Variants in KCNN2 observed in about 807,000 individuals in gnomAD.
The protein encoded by KCNN2 is potassium calcium-activated channel subfamily N member 2.
A neutral mutation model predicts 55.5 loss-of-function variants in KCNN2; 24 were observed. The ratio of observed to expected loss-of-function variants is 0.43; its 90% CI spans 0.31 to 0.61. The LOEUF is 0.61. KCNN2 is among the 20% of genes least tolerant of loss of function. The pLI is 0.08. For synonymous variants in KCNN2, 431 were observed against 336.1 expected (o/e 1.28, Z -3.09); for missense variants, 754 against 853.6 (o/e 0.88, Z 1.45).
intron 2 of KCNN2, among the ~76,000 whole-genome samples, chr5:114,228,983 A>G (rs903636098): frequency 2.0e-5 from 3 of 152,080 alleles, no homozygotes; most frequent in Admixed American, 6.5e-5. Context: ...TGAATTTAAC[A>G]GTAAAATAGT....
At chr5:114,123,989 CAAGAATGTTGTTTTACACAGAAAAAGCT>C in intron 1 of KCNN2, among the ~76,000 whole-genome samples, 1 of 152,196 alleles carries the variant, frequency 6.6e-6, no homozygotes, top group Non-Finnish European at 1.5e-5. Flanking sequence ...ATTTTTGCAA[CAAGAATGTTGTTTTACACAGAAAAAGCT>C]AAATCTCAGT....
chr5:114,211,110 T>C (rs1276153894), intron 1 of KCNN2, among the ~76,000 whole-genome samples: 1 of 152,094 alleles, frequency 6.6e-6, no homozygotes, highest in Non-Finnish European at 1.5e-5. Flanking sequence ...TCACTGTTGG[T>C]GGGAGTGTAA....
At chr5:114,277,998 G>A (rs1227464945) in intron 2 of KCNN2, among the ~76,000 whole-genome samples, 3 of 152,154 alleles carry the variant, frequency 2.0e-5, no homozygotes, top group Admixed American at 6.5e-5. Context: ...GGTCTTTGGT[G>A]TTGGTGACCT....
intron 2 of KCNN2, among the ~76,000 whole-genome samples, chr5:114,378,511 G>A (rs1438973896): frequency 6.6e-6 from 1 of 152,204 alleles, no homozygotes; most frequent in African/African-American, 2.4e-5. Flanking sequence ...GATTTTTGTA[G>A]GTGCAAGGCT....
chr5:114,268,053 C>T (rs1356626040), intron 2 of KCNN2, among the ~76,000 whole-genome samples: 2 of 152,196 alleles, frequency 1.3e-5, no homozygotes, highest in South Asian at 2.1e-4. Flanking sequence ...GCACTTCCCA[C>T]TTGATGCTTC....
Position 114,487,050 on chromosome 5 carries a change from G to A in KCNN2, c.1891G>A (p.Val631Ile), listed in dbSNP as rs781382107. 6.8e-6 allele frequency: 11 copies of A among 1,612,596 alleles called. No individual in the cohort carries two copies. The highest frequency in any genetic ancestry group is 8.5e-6 in the Non-Finnish European group (10 of 1,179,192). The stretch of plus-strand genomic sequence containing the variant: ...ACTGCTTTGTTTGTTCTCTTAACAG[G>A]TAAAAAATGCAGCTGCCAATGTACT... ...FMMDTQLTKRVKNAAANVLRE... is the reference protein window; with the variant it reads ...FMMDTQLTKRIKNAAANVLRE... The change falls in exon 6 of 8, where the codon GTA becomes ATA. Residue 631 changes from valine (V) to isoleucine (I), a missense_variant and splice_region_variant. By Grantham distance (29) the Val-to-Ile change is conservative. Transcript: ENST00000673685.
At chr5:114,288,491 T>TACACAC (rs1193889889) in intron 2 of KCNN2, among the ~76,000 whole-genome samples, 1 of 21,432 alleles carries the variant, frequency 4.7e-5, no homozygotes, top group African/African-American at 1.2e-4. Flanking sequence ...TTACTTTATA[T>TACACAC]ATATATATAC....
intron 1 of KCNN2, among the ~76,000 whole-genome samples, chr5:114,216,110 T>G (rs1753995354): frequency 6.6e-6 from 1 of 152,184 alleles, no homozygotes; most frequent in Admixed American, 6.5e-5. Context: ...GGTTTTTAAT[T>G]TAATAACTCA....
Position 114,241,812 on chromosome 5 carries a change from A to AT in KCNN2, c.-185+20248dup, listed in dbSNP as rs1754645209. 6.4e-5 allele frequency among the ~76,000 whole-genome samples: 2 copies of AT among 31,116 alleles called. 1 individual carries two copies. The highest frequency in any genetic ancestry group is 1.6e-4 in the Non-Finnish European group (2 of 12,338). The allele number at this position is 31,116 out of a possible 152,430, so 20.4% of individuals were successfully genotyped here. On this transcript the variant is annotated intron_variant, in intron 2 of 10. Transcript: ENST00000512097. ...TATATATGTATATATATACGTATAT[A>AT]TATATATGTGTGTATATATATATAT...
intron 2 of KCNN2, among the ~76,000 whole-genome samples, chr5:114,223,615 G>A (rs1414266442): frequency 6.6e-6 from 1 of 152,102 alleles, no homozygotes; most frequent in African/African-American, 2.4e-5. Flanking sequence ...GTTTTTACAA[G>A]AGAATTTAAT....
rs1755320372 is a variant in KCNN2 at position 114,271,051 on chromosome 5, G to T, written c.-185+49486G>T. 2.0e-5 allele frequency among the ~76,000 whole-genome samples: 3 copies of T among 152,126 alleles called. No homozygotes were observed. The South Asian group carries it at 6.2e-4, about 32-fold the overall frequency. On this transcript the variant is annotated intron_variant, in intron 2 of 10. Coordinates refer to the KCNN2 transcript ENST00000512097. ...GAAAGAACAAAGCTTCCACAGCGTG[G>T]AAGGTGACCCGAGTGGGTTGCTGCT...
rs750469115 is a variant in KCNN2, at chr5:114,362,882, C to T, written c.743C>T (p.Pro248Leu). 1.1e-5 allele frequency: 18 copies of T among 1,598,432 alleles called. No homozygotes were observed. The highest frequency in any genetic ancestry group is 3.3e-4 in the Middle Eastern group (2 of 6,072). ...EMDSEAQPLQ[P>L]PASVGGGGGA... ...GACTCAGAGGCGCAGCCCCTGCAGC[C>T]CCCCGCGTCTGTCGGAGGAGGTGGC... The change falls in exon 1 of 8, where the codon CCC becomes CTC. Residue 248 changes from proline (P) to leucine (L), a missense_variant. By Grantham distance (98) the Pro-to-Leu change is moderately conservative. Around this residue, in one of 4 missense-constraint regions of KCNN2, gnomAD observed 381 missense variants for 259.1 expected, o/e 1.47. Transcript: ENST00000673685.
chr5:114,257,039 A>G (rs1309830061), intron 2 of KCNN2, among the ~76,000 whole-genome samples: 6 of 152,272 alleles, frequency 3.9e-5, no homozygotes, highest in African/African-American at 1.4e-4. Context: ...ATTTCTGTAT[A>G]TGGTGAGATA....
At chr5:114,153,330 C>A (rs1234810639) in intron 1 of KCNN2, among the ~76,000 whole-genome samples, 1 of 152,166 alleles carries the variant, frequency 6.6e-6, no homozygotes, top group Non-Finnish European at 1.5e-5. Flanking sequence ...GTAGGCTGAC[C>A]TCCATGGAAT....
chr5:114,282,787 C>G (rs190027973), intron 2 of KCNN2, among the ~76,000 whole-genome samples: 3 of 152,246 alleles, frequency 2.0e-5, no homozygotes, highest in African/African-American at 7.2e-5. Context: ...ATAGAACCTT[C>G]TGGAGAAGCT....
At chr5:114,452,643 C>A (rs1044151147) in intron 3 of KCNN2, among the ~76,000 whole-genome samples, 7 of 152,150 alleles carry the variant, frequency 4.6e-5, no homozygotes, top group African/African-American at 1.4e-4. Flanking sequence ...AATCCCTGTG[C>A]CATGGCTTCA....
rs761300611 is a variant in KCNN2 at position 114,362,797 on chromosome 5, G to T, written c.658G>T (p.Gly220Trp). Residue 220 changes from glycine to tryptophan, a missense_variant, in exon 1 of 8, where the codon GGG becomes TGG. This residue lies in a region of KCNN2 where 381 missense variants were observed against 259.1 expected (regional missense o/e 1.47). Transcript: ENST00000673685. ...EIAMSSCRYN[G>W]GVMRPLSNLS... Reference sequence around the variant, plus strand: ...AGCCATGAGCAGCTGCAGGTACAACGGGGGCGTCATGCGGCCGCTCAGCAA... The same window carrying T: ...AGCCATGAGCAGCTGCAGGTACAACTGGGGCGTCATGCGGCCGCTCAGCAA... 11 of 1,595,662 alleles carry T rather than the reference G, an allele frequency of 6.9e-6. No homozygotes were observed. The African/African-American group carries it at 1.5e-4, about 21-fold the overall frequency.
chr5:114,348,033 A>G (rs969703014), intron 2 of KCNN2, among the ~76,000 whole-genome samples: 8 of 152,160 alleles, frequency 5.3e-5, no homozygotes, highest in African/African-American at 1.9e-4. Context: ...TGTCTTCTTG[A>G]CCACTGAGTC....
intron 2 of KCNN2, among the ~76,000 whole-genome samples, chr5:114,249,248 C>A (rs367584261): frequency 6.6e-6 from 1 of 150,730 alleles, no homozygotes; most frequent in South Asian, 2.1e-4. Flanking sequence ...CATGGTATCA[C>A]GAAAGTTCTC....
Sources: allele counts gnomAD v4.1 joint callset (sites outside exome capture counted in the v4.1 genomes callset), GRCh38; gene constraint gnomAD v4.1.1; regional missense constraint gnomAD v4.1.1; transcripts MANE v1.5; gene names NCBI Gene and HGNC (gene_info 2026-07-23, HGNC 2026-07-21).